Variants in SNAP91 observed in about 807,000 individuals in gnomAD.
SNAP91 encodes synaptosome associated protein 91.
A neutral mutation model predicts 100.3 loss-of-function variants in SNAP91; 27 were observed. The observed-to-expected ratio is 0.27, with a 90% CI of 0.20 to 0.37. The LOEUF (loss-of-function observed/expected upper bound fraction) is 0.37, where lower values mean the gene tolerates loss of function less well. SNAP91 is among the 10% of genes least tolerant of loss of function. The pLI is 1.00. For missense variants in SNAP91, 986 were observed against 1,123.7 expected (o/e 0.88, Z 1.75); for synonymous variants, 404 against 398.6 (o/e 1.01, Z -0.16).
At chr6:83,673,940 A>T (rs1157216668) in intron 2 of SNAP91, among the ~76,000 whole-genome samples, 1 of 152,208 alleles carries the variant, frequency 6.6e-6, no homozygotes, top group African/African-American at 2.4e-5. Context: ...CTCCATCAAG[A>T]ATGTTGTTGT....
intron 8 of SNAP91, among the ~76,000 whole-genome samples, chr6:83,625,512 G>A (rs2096898395): frequency 6.6e-6 from 1 of 152,114 alleles, no homozygotes; most frequent in Non-Finnish European, 1.5e-5. Context: ...CAGTATATAT[G>A]AGTTCCCTTT....
chr6:83,672,187 T>C (rs1054861503), intron 2 of SNAP91, among the ~76,000 whole-genome samples: 7 of 152,174 alleles, frequency 4.6e-5, no homozygotes, highest in African/African-American at 1.7e-4. Flanking sequence ...CTAGAACGTC[T>C]CTGCCTTCAC....
intron 11 of SNAP91, among the ~76,000 whole-genome samples, chr6:83,612,472 G>C (rs2096198192): frequency 6.6e-6 from 1 of 152,098 alleles, no homozygotes; most frequent in African/African-American, 2.4e-5. Context: ...GAAGCCTTTG[G>C]TATGGTCACT....
At chr6:83,610,412 T>C (rs2095930697) in intron 12 of SNAP91, among the ~76,000 whole-genome samples, 1 of 150,986 alleles carries the variant, frequency 6.6e-6, no homozygotes, top group South Asian at 2.1e-4. Flanking sequence ...ATCAAATTCA[T>C]AGAGACAGAA....
intron 26 of SNAP91, among the ~76,000 whole-genome samples, chr6:83,563,965 A>G (rs1303615401): frequency 6.6e-6 from 1 of 152,178 alleles, no homozygotes; most frequent in African/African-American, 2.4e-5. Context: ...CCCTATCAAA[A>G]TTTCAACCAC....
chr6:83,560,984 C>A, intron 26 of SNAP91, 37 bp from the exon 27 acceptor site: 5 of 1,309,080 alleles, frequency 3.8e-6, no homozygotes, highest in Non-Finnish European at 5.3e-6. Context: ...ATAAATAACA[C>A]AAAAACACAC....
intron 9 of SNAP91, among the ~76,000 whole-genome samples, chr6:83,618,268 A>G (rs1278222058): frequency 6.6e-6 from 1 of 151,904 alleles, no homozygotes; most frequent in Non-Finnish European, 1.5e-5. Flanking sequence ...ATTTAGATAT[A>G]TAAAAATTAC....
At chr6:83,620,826 C>T (rs1165508567) in intron 9 of SNAP91, among the ~76,000 whole-genome samples, 1 of 151,966 alleles carries the variant, frequency 6.6e-6, no homozygotes, top group Non-Finnish European at 1.5e-5. Context: ...ATTCTCCTGC[C>T]TCAGCCTCCC....
chr6:83,684,839 C>T (rs1355893247), intron 2 of SNAP91, among the ~76,000 whole-genome samples: 1 of 152,074 alleles, frequency 6.6e-6, no homozygotes, highest in Non-Finnish European at 1.5e-5. Context: ...AACCCTAGAA[C>T]CATGCTGCAA....
intron 28 of SNAP91, among the ~76,000 whole-genome samples, chr6:83,558,543 T>C (rs1583733648): frequency 6.6e-6 from 1 of 152,228 alleles, no homozygotes; most frequent in Non-Finnish European, 1.5e-5. Flanking sequence ...TTGGTCCCTG[T>C]TGCTTTTGAG....
chr6:83,681,348 A>T (rs1587269640), intron 2 of SNAP91, among the ~76,000 whole-genome samples: 1 of 152,228 alleles, frequency 6.6e-6, no homozygotes, highest in Non-Finnish European at 1.5e-5. Context: ...GCTTCTGAGG[A>T]GGTTTTCTAT....
At chr6:83,587,293 T>C (rs1166244539) in intron 22 of SNAP91, among the ~76,000 whole-genome samples, 8 of 152,164 alleles carry the variant, frequency 5.3e-5, no homozygotes, top group Non-Finnish European at 1.0e-4. Context: ...TAAGAGTCCT[T>C]AGTCCAGTGA....
At chr6:83,685,777 G>A (rs10428860) in intron 2 of SNAP91, among the ~76,000 whole-genome samples, 7,435 of 152,130 alleles carry the variant, frequency 0.049, 561 homozygotes, top group African/African-American at 0.17. Flanking sequence ...ACAACTCTTT[G>A]AGCTGATCAT....
chr6:83,608,702 A>G (rs957332095), intron 12 of SNAP91, among the ~76,000 whole-genome samples: 4 of 149,874 alleles, frequency 2.7e-5, no homozygotes, highest in Admixed American at 6.7e-5. Flanking sequence ...TAATTTGAGG[A>G]AAAAAAAAAC....
chr6:83,687,768 A>G (rs1386371500), intron 2 of SNAP91, among the ~76,000 whole-genome samples: 3 of 152,228 alleles, frequency 2.0e-5, no homozygotes, highest in African/African-American at 7.2e-5. Flanking sequence ...AACTGGGACT[A>G]GCAGGGGCAG....
intron 3 of SNAP91, among the ~76,000 whole-genome samples, chr6:83,663,031 T>C (rs889524944): frequency 6.6e-6 from 1 of 152,174 alleles, no homozygotes; most frequent in Admixed American, 6.6e-5. Flanking sequence ...TTTGGTGATC[T>C]GTCATCAGTG....
At chr6:83,680,197 A>G (rs989387878) in intron 2 of SNAP91, among the ~76,000 whole-genome samples, 2 of 152,106 alleles carry the variant, frequency 1.3e-5, no homozygotes, top group Non-Finnish European at 1.5e-5. Flanking sequence ...CCCCATTCAT[A>G]CCTATACCAC....
At chr6:83,659,953 G>A (rs2098505733) in intron 5 of SNAP91, among the ~76,000 whole-genome samples, 1 of 152,178 alleles carries the variant, frequency 6.6e-6, no homozygotes, top group Admixed American at 6.5e-5. Context: ...ATGTCGGAGG[G>A]TGCACTGCAC....
chr6:83,582,392 C>A, intron 22 of SNAP91, 36 bp from the exon 23 acceptor site: 1 of 1,592,188 alleles, frequency 6.3e-7, no homozygotes, highest in South Asian at 1.1e-5. Context: ...GCAGAAATAA[C>A]ATAAAGGTGG....
Sources: gnomAD v4.1 joint callset for allele counts (sites outside exome capture counted in the v4.1 genomes callset) on GRCh38, gnomAD v4.1.1 for gene constraint, MANE v1.5 for transcripts, NCBI Gene and HGNC (gene_info 2026-07-23, HGNC 2026-07-21) for gene names.